Variants in PALD1 observed in about 807,000 individuals in gnomAD.
PALD1 encodes the protein phosphatase domain containing paladin 1, also known as paladin.
In PALD1, 57 loss-of-function variants were observed where a neutral mutation model predicts 96.0. The ratio of observed to expected loss-of-function variants is 0.59; its 90% confidence interval spans 0.48 to 0.74. The LOEUF is 0.74. PALD1 is among the 30% of genes least tolerant of loss of function. The pLI is 0.00. For synonymous variants in PALD1, 464 were observed against 473.6 expected, an observed-to-expected ratio of 0.98 and a Z score of 0.26; for missense variants, 1,063 against 1,143.7, an observed-to-expected ratio of 0.93 and a Z score of 1.02.
At chr10:70,485,733 CG>C in intron 1 of PALD1, 1 of 153,806 alleles carries the variant, frequency 6.5e-6, no homozygotes, top group South Asian at 2.0e-4. Context: ...ATTACAACCA[CG>C]GAAGGGGCAC....
chr10:70,547,433 G>A lies in PALD1; in HGVS notation c.2249G>A (p.Cys750Tyr), dbSNP rs1847390181. The A allele has an allele frequency of 3.7e-6, 6 of 1,608,448 alleles. No individual in the cohort carries two copies. Among genetic ancestry groups the A allele is most frequent in the Non-Finnish European group, 5.1e-6 (6 of 1,178,156 alleles). ...MHYHLREIIICTYRQAKAAKE... is the reference protein window; with the variant it reads ...MHYHLREIIIYTYRQAKAAKE... ...TACCACCTGCGGGAGATCATCATCT[G>A]CACCTACCGCCAGGTGAGCCCCCAC... Residue 750 changes from cysteine (C) to tyrosine (Y), a missense_variant, in exon 18 of 20, where the codon TGC becomes TAC. Coordinates refer to ENST00000263563, the MANE Select transcript of PALD1 (RefSeq NM_014431.3).
chr10:70,502,941 C>T (rs552075963), intron 1 of PALD1, among the ~76,000 whole-genome samples: 12 of 152,102 alleles, frequency 7.9e-5, no homozygotes, highest in Admixed American at 2.0e-4. Flanking sequence ...AGTGCAGTGG[C>T]GTGATCTCGG....
At chr10:70,544,576 G>A (rs1304055622) in intron 17 of PALD1, among the ~76,000 whole-genome samples, 1 of 152,070 alleles carries the variant, frequency 6.6e-6, no homozygotes, top group African/African-American at 2.4e-5. Flanking sequence ...GCTCCTGGAT[G>A]TGGGGTGAGG....
the PALD1 span, among the ~76,000 whole-genome samples, chr10:70,469,631 G>T: frequency 6.6e-6 from 1 of 152,024 alleles, no homozygotes; most frequent in African/African-American, 2.4e-5. Flanking sequence ...GCTGGTGTCT[G>T]TGCCTTCTGA....
chr10:70,508,843 C>CTGTGTGTGTGTGTGTGTGTGTGTGTG (rs61307157), intron 1 of PALD1, among the ~76,000 whole-genome samples: 2,009 of 94,560 alleles, frequency 0.021, 274 homozygotes, highest in African/African-American at 0.051. Context: ...GCTGCGGAAC[C>CTGTGTGTGTGTGTGTGTGTGTGTGTG]TGTGTGTGTG....
chr10:70,460,207 G>A, the PALD1 span, among the ~76,000 whole-genome samples: 11 of 151,778 alleles, frequency 7.2e-5, no homozygotes, highest in African/African-American at 1.2e-4. Context: ...CCCTCCCCTC[G>A]AAGCCCGCCC....
intron 10 of PALD1, 57 bp from the exon 11 acceptor site, chr10:70,537,754 G>A: frequency 8.4e-7 from 1 of 1,189,298 alleles, no homozygotes; most frequent in Non-Finnish European, 1.2e-6. Flanking sequence ...GCAGGGATGG[G>A]GACAGGGACA....
intron 1 of PALD1, among the ~76,000 whole-genome samples, chr10:70,498,928 C>CAA (rs1235403231): frequency 1.6e-5 from 2 of 125,424 alleles, no homozygotes; most frequent in African/African-American, 6.0e-5. Context: ...AACTTTATCT[C>CAA]AGAAAAAAAA....
upstream of PALD1, among the ~76,000 whole-genome samples, chr10:70,475,984 A>C (rs1173331100): frequency 6.6e-6 from 1 of 152,238 alleles, no homozygotes; most frequent in African/African-American, 2.4e-5. Context: ...CACTTGCACA[A>C]ACATGGATCC....
At chr10:70,515,472 G>A (rs955624357) in intron 1 of PALD1, among the ~76,000 whole-genome samples, 4 of 152,268 alleles carry the variant, frequency 2.6e-5, no homozygotes, top group Non-Finnish European at 4.4e-5. Context: ...CCTTGGTTGA[G>A]AGCCAGGGAC....
chr10:70,502,010 A>G (rs1846309045), intron 1 of PALD1, among the ~76,000 whole-genome samples: 1 of 152,158 alleles, frequency 6.6e-6, no homozygotes, highest in Admixed American at 6.5e-5. Flanking sequence ...TTTGACATCC[A>G]TAAAAGAGCC....
At chr10:70,502,614 G>A (rs1846320230) in intron 1 of PALD1, among the ~76,000 whole-genome samples, 1 of 152,152 alleles carries the variant, frequency 6.6e-6, no homozygotes, top group Non-Finnish European at 1.5e-5. Flanking sequence ...GAAAATGGAT[G>A]GAGCAGTGGT....
chr10:70,539,844 A>G lies in PALD1; in HGVS notation c.1908+82A>G, dbSNP rs1392067999. The G allele has an allele frequency of 7.3e-6, 9 of 1,238,376 alleles. No individual in the cohort carries two copies. The highest frequency in any genetic ancestry group is 1.0e-5 in the Non-Finnish European group (9 of 885,182). 76.7% of individuals were successfully genotyped at this position (1,238,376 alleles called of 1,614,324 possible). A position where few individuals can be genotyped will look rare whatever the true frequency, so the allele number is the denominator to read the frequency against. ...CCCCTCTGGTCTGGGCTCTGGGAGAATGAAACGACCCCAGCTTCTCTACGG... is the reference window on the plus strand; with the variant it reads ...CCCCTCTGGTCTGGGCTCTGGGAGAGTGAAACGACCCCAGCTTCTCTACGG... On this transcript the variant is annotated intron_variant, in intron 15 of 19. Coordinates refer to ENST00000263563, the MANE Select transcript of PALD1 (RefSeq NM_014431.3). The surrounding 1 kb of genome is among the most constrained non-coding windows in gnomAD (Gnocchi z 4.5).
At chr10:70,470,138 C>G in the PALD1 span, among the ~76,000 whole-genome samples, 1 of 152,148 alleles carries the variant, frequency 6.6e-6, no homozygotes, top group Non-Finnish European at 1.5e-5. Flanking sequence ...CCATCGTATT[C>G]TGATGGCAGA....
At position 70,539,464 on chromosome 10, in the gene PALD1, G is replaced by C. The variant is rs964484344; in HGVS notation, c.1726-116G>C. 29 of 1,087,948 alleles carry C rather than the reference G, an allele frequency of 2.7e-5. No homozygotes were observed. The highest frequency in any genetic ancestry group is 3.3e-5 in the Non-Finnish European group (26 of 778,048). 67.4% of individuals were successfully genotyped at this position (1,087,948 alleles called of 1,614,324 possible). Reference sequence around the variant, plus strand: ...GGCTGTGACCCCTGAGGCTTGGGGGGGTCAGGGATGGGACTGGAAGCCAGG... The same window carrying C: ...GGCTGTGACCCCTGAGGCTTGGGGGCGTCAGGGATGGGACTGGAAGCCAGG... On this transcript the variant is annotated intron_variant, in intron 14 of 19. Coordinates refer to ENST00000263563, the MANE Select transcript of PALD1 (RefSeq NM_014431.3). This position sits in a 1 kb window ranked among gnomAD's most constrained non-coding sequence, Gnocchi z 4.5.
intron 1 of PALD1, among the ~76,000 whole-genome samples, chr10:70,482,964 AG>A (rs1845959211): frequency 6.6e-6 from 1 of 152,194 alleles, no homozygotes; most frequent in South Asian, 2.1e-4. Context: ...GGAAGGGACC[AG>A]CGTGGCATCT....
chr10:70,512,879 A>AT (rs955709832), intron 1 of PALD1, among the ~76,000 whole-genome samples: 2 of 152,148 alleles, frequency 1.3e-5, no homozygotes, highest in African/African-American at 4.8e-5. Flanking sequence ...GTTGTTGCAC[A>AT]TTTTTTAATT....
chr10:70,530,253 A>G (rs1846965450), intron 4 of PALD1, among the ~76,000 whole-genome samples, 185 bp downstream of exon 4: 2 of 152,118 alleles, frequency 1.3e-5, no homozygotes, highest in African/African-American at 2.4e-5. Context: ...AATTCTGGTG[A>G]ATGTTGATTG....
rs374197108 is a variant in PALD1 at position 70,541,178 on chromosome 10, T to A, written c.1985T>A (p.Leu662His). ...GGCACTGGCTTCGTGTTCAGCTGCCTCAGCGGCCAGGGCCGTACCACAACT... is the reference window on the plus strand; with the variant it reads ...GGCACTGGCTTCGTGTTCAGCTGCCACAGCGGCCAGGGCCGTACCACAACT... Reference protein sequence around the residue: ...DPGTGFVFSCLSGQGRTTTAM... With the variant: ...DPGTGFVFSCHSGQGRTTTAM... The change falls in exon 16 of 20, where the codon CTC becomes CAC. Residue 662 changes from leucine (L) to histidine (H), a missense_variant. By Grantham distance (99) the Leu-to-His change is moderately conservative. Transcript: ENST00000263563. The A allele has an allele frequency of 6.2e-7, 1 of 1,613,826 alleles. No individual in the cohort carries two copies. Among genetic ancestry groups the A allele is most frequent in the African/African-American group, 1.3e-5 (1 of 74,932 alleles).
Sources: allele counts gnomAD v4.1 joint callset (sites outside exome capture counted in the v4.1 genomes callset), GRCh38; gene constraint gnomAD v4.1.1; non-coding constraint Gnocchi (gnomAD v3.1); transcripts MANE v1.5; gene names NCBI Gene and HGNC (gene_info 2026-07-23, HGNC 2026-07-21).